Variants in PDE6D observed in about 807,000 individuals in gnomAD.
The protein encoded by PDE6D is retinal rod rhodopsin-sensitive cGMP 3',5'-cyclic phosphodiesterase subunit delta.
A neutral mutation model predicts 21.9 loss-of-function variants in PDE6D; 10 were observed. The observed-to-expected ratio is 0.46, with a 90% CI of 0.28 to 0.78. PDE6D has a LOEUF of 0.78. PDE6D is among the 30% of genes least tolerant of loss of function. PDE6D has a pLI of 0.12. For synonymous variants in PDE6D, 59 were observed against 63.5 expected, an observed-to-expected ratio of 0.93 and a Z score of 0.34; for missense variants, 139 against 184.8, an observed-to-expected ratio of 0.75 and a Z score of 1.44.
rs868838992 is a variant in PDE6D, at chr2:231,780,771, G to C, written c.50+294C>G. ...GGATCGGAACCCAGCCGGCTTCTCC[G>C]ACAGCGTTTCCGACGCCCGGCACCT... On this transcript the variant is annotated intron_variant, in intron 1 of 4. Coordinates refer to ENST00000287600, the MANE Select transcript of PDE6D (RefSeq NM_002601.4). Among the ~76,000 whole-genome samples the C allele has an allele frequency of 2.6e-5, 4 of 152,036 alleles. No homozygotes were observed. The East Asian group carries it at 5.8e-4, about 22-fold the overall frequency.
intron 1 of PDE6D, among the ~76,000 whole-genome samples, chr2:231,774,709 C>T (rs909889576): frequency 1.3e-5 from 2 of 151,466 alleles, no homozygotes; most frequent in Non-Finnish European, 2.9e-5. Context: ...CTGCCTCAGG[C>T]ACCCTAATAA....
intron 1 of PDE6D, among the ~76,000 whole-genome samples, chr2:231,772,985 C>T (rs1316705309): frequency 6.6e-6 from 1 of 152,180 alleles, no homozygotes; most frequent in Non-Finnish European, 1.5e-5. Context: ...CGTCTGTAAT[C>T]CTAGCACTTT....
intron 1 of PDE6D, among the ~76,000 whole-genome samples, chr2:231,758,077 ATGTAAT>A (rs1465460349): frequency 2.0e-5 from 3 of 152,186 alleles, no homozygotes; most frequent in African/African-American, 7.2e-5. Flanking sequence ...TCCCCAATAA[ATGTAAT>A]TGTAAAAGTT....
chr2:231,756,159 T>C (rs1008749964), intron 1 of PDE6D, among the ~76,000 whole-genome samples: 5 of 152,148 alleles, frequency 3.3e-5, no homozygotes, highest in East Asian at 3.9e-4. Context: ...TCTCTTCCCC[T>C]ATAATGCAAG....
intron 1 of PDE6D, among the ~76,000 whole-genome samples, chr2:231,742,305 T>C (rs1469067680): frequency 6.6e-6 from 1 of 152,112 alleles, no homozygotes; most frequent in African/African-American, 2.4e-5. Flanking sequence ...TATTTTTAAC[T>C]GGAGATGGGG....
At chr2:231,737,395 CA>C (rs2048710369) in intron 3 of PDE6D, 103 bp from the exon 4 acceptor site, 1 of 611,380 alleles carries the variant, frequency 1.6e-6, no homozygotes, top group Admixed American at 2.9e-5. Context: ...CCCTGAGAAC[CA>C]CCAAAGGAAG....
intron 1 of PDE6D, among the ~76,000 whole-genome samples, chr2:231,743,003 C>A (rs1437741482): frequency 2.0e-5 from 3 of 152,314 alleles, no homozygotes; most frequent in Non-Finnish European, 2.9e-5. Flanking sequence ...GCCTCAGATA[C>A]CCTTTCCCAT....
intron 1 of PDE6D, among the ~76,000 whole-genome samples, chr2:231,778,397 G>C (rs1285721300): frequency 2.6e-5 from 4 of 152,158 alleles, no homozygotes; most frequent in Non-Finnish European, 4.4e-5. Context: ...AATATGTAAA[G>C]AACATCTACA....
At chr2:231,755,708 G>A (rs1403052555) in intron 1 of PDE6D, among the ~76,000 whole-genome samples, 5 of 152,166 alleles carry the variant, frequency 3.3e-5, no homozygotes, top group African/African-American at 1.2e-4. Context: ...ATCAACTGAG[G>A]TCAGGAGTTC....
chr2:231,738,964 A>C, intron 2 of PDE6D, 136 bp downstream of exon 2: 1 of 627,360 alleles, frequency 1.6e-6, no homozygotes, highest in Non-Finnish European at 2.9e-6. Context: ...TGAAACTGTC[A>C]ACAACACATG....
chr2:231,739,219 C>G lies in PDE6D; in HGVS notation c.51-31G>C. On this transcript the variant is annotated intron_variant, in intron 1 of 4. Transcript: ENST00000287600. The surrounding 1 kb of genome is among the most constrained non-coding windows in gnomAD (Gnocchi z 4.2). ...CAAATATGACTAAGGAAAAATAAGG[C>G]ACTGAAAGTGACTCCCACTTTGTAT... 5.2e-6 allele frequency: 7 copies of G among 1,357,430 alleles called. No homozygotes were observed. The highest frequency in any genetic ancestry group is 7.4e-6 in the Non-Finnish European group (7 of 945,850). The allele number at this position is 1,357,430 out of a possible 1,614,324, so 84.1% of individuals were successfully genotyped here.
chr2:231,754,197 AATT>A (rs1313208960), intron 1 of PDE6D, among the ~76,000 whole-genome samples: 1 of 152,184 alleles, frequency 6.6e-6, no homozygotes, highest in Non-Finnish European at 1.5e-5. Flanking sequence ...CAAAGACAGC[AATT>A]ATTGTTATCA....
Position 231,732,818 on chromosome 2 carries a change from G to A in PDE6D, c.*134C>T. 1 of 663,462 alleles carries A rather than the reference G, an allele frequency of 1.5e-6. No individual in the cohort carries two copies. 41.1% of individuals were successfully genotyped at this position (663,462 alleles called of 1,614,324 possible). On this transcript the variant is annotated 3_prime_UTR_variant, in exon 5 of 5. Coordinates refer to ENST00000287600, the MANE Select transcript of PDE6D (RefSeq NM_002601.4). ...CCTACACAGAGCTGGTCCCCTGGTGGCTGCAGGTAGGTTCTGCTGTTGAGG... is the reference window on the plus strand; with the variant it reads ...CCTACACAGAGCTGGTCCCCTGGTGACTGCAGGTAGGTTCTGCTGTTGAGG...
chr2:231,767,205 T>C (rs2048978077), intron 1 of PDE6D, among the ~76,000 whole-genome samples: 1 of 152,088 alleles, frequency 6.6e-6, no homozygotes, highest in African/African-American at 2.4e-5. Flanking sequence ...TAAATAATGA[T>C]TGTAATAATG....
intron 1 of PDE6D, among the ~76,000 whole-genome samples, chr2:231,767,605 C>T (rs1449463807): frequency 1.3e-5 from 2 of 152,050 alleles, no homozygotes; most frequent in East Asian, 3.9e-4. Flanking sequence ...TGAGCCACCG[C>T]ACCCAACCAC....
Position 231,734,208 on chromosome 2 carries a change from T to C in PDE6D, c.372-1175A>G, listed in dbSNP as rs368564130. ...CAGCCTCCGCGACAGAGCGAGACTCTGTCTCAAAAAAAATAAAAAAAAATA... is the reference window on the plus strand; with the variant it reads ...CAGCCTCCGCGACAGAGCGAGACTCCGTCTCAAAAAAAATAAAAAAAAATA... On this transcript the variant is annotated intron_variant, in intron 4 of 4. Transcript: ENST00000287600. 4.5e-3 allele frequency among the ~76,000 whole-genome samples: 686 copies of C among 151,514 alleles called. 5 individuals carry two copies. The highest frequency in any genetic ancestry group is 0.015 in the African/African-American group (606 of 41,292).
At chr2:231,749,206 A>G (rs1097849) in intron 1 of PDE6D, among the ~76,000 whole-genome samples, 70,648 of 152,032 alleles carry the variant, frequency 0.46, 20,362 homozygotes, top group African/African-American at 0.82. Flanking sequence ...AAAGCCACAG[A>G]GGCGGAGCTG....
rs557193845 is a variant in PDE6D at position 231,735,657 on chromosome 2, C to T, written c.371+1530G>A. Reference sequence around the variant, plus strand: ...AACTCTTGGACTCAAGCAATCCTCCCGCCTCAGCTTCCCAAGTAGCTAGGA... The same window carrying T: ...AACTCTTGGACTCAAGCAATCCTCCTGCCTCAGCTTCCCAAGTAGCTAGGA... On this transcript the variant is annotated intron_variant, in intron 4 of 4. Transcript: ENST00000287600. Among the ~76,000 whole-genome samples, 5 of 151,928 alleles carry T rather than the reference C, an allele frequency of 3.3e-5. No individual in the cohort carries two copies. The South Asian group carries it at 6.3e-4, about 19-fold the overall frequency.
intron 1 of PDE6D, among the ~76,000 whole-genome samples, chr2:231,777,550 T>A (rs188966470): frequency 6.6e-6 from 1 of 152,258 alleles, no homozygotes; most frequent in African/African-American, 2.4e-5. Flanking sequence ...GTAGGGACCT[T>A]AAACACACAT....
Sources: gnomAD v4.1 joint callset for allele counts (sites outside exome capture counted in the v4.1 genomes callset) on GRCh38, gnomAD v4.1.1 for gene constraint, Gnocchi (gnomAD v3.1) non-coding constraint, MANE v1.5 for transcripts, NCBI Gene and HGNC (gene_info 2026-07-23, HGNC 2026-07-21) for gene names.